Variants in APBB2 observed in about 807,000 individuals in gnomAD.
APBB2 encodes Fe65-like 1.
In APBB2, 38 loss-of-function variants were observed where a neutral mutation model predicts 82.5. The ratio of observed to expected loss-of-function variants is 0.46; its 90% CI spans 0.36 to 0.60. The LOEUF (loss-of-function observed/expected upper bound fraction) is 0.60, where lower values mean the gene tolerates loss of function less well. APBB2 is among the 20% of genes least tolerant of loss of function. APBB2 has a pLI of 0.00. For synonymous variants in APBB2, 341 were observed against 368.2 expected, an observed-to-expected ratio of 0.93 and a Z score of 0.85; for missense variants, 772 against 972.3, an observed-to-expected ratio of 0.79 and a Z score of 2.74.
intron 13 of APBB2, among the ~76,000 whole-genome samples, chr4:40,829,448 A>G (rs1751105617): frequency 6.6e-6 from 1 of 152,214 alleles, no homozygotes; most frequent in African/African-American, 2.4e-5. Flanking sequence ...TCTAAAACAC[A>G]TAACACATGG....
At chr4:41,023,116 G>T (rs994023560) in intron 5 of APBB2, among the ~76,000 whole-genome samples, 50 of 152,282 alleles carry the variant, frequency 3.3e-4, no homozygotes, top group Admixed American at 2.7e-3. Flanking sequence ...AGAGTCAAAA[G>T]CATATGTTTT....
intron 1 of APBB2, among the ~76,000 whole-genome samples, chr4:41,187,874 G>A (rs1459660447): frequency 6.6e-6 from 1 of 152,118 alleles, no homozygotes; most frequent in Non-Finnish European, 1.5e-5. Flanking sequence ...AAGTTTCTAT[G>A]TATGCATGTA....
intron 6 of APBB2, among the ~76,000 whole-genome samples, chr4:40,972,535 C>T (rs77722452): frequency 0.04 from 6,091 of 152,208 alleles, 190 homozygotes; most frequent in Non-Finnish European, 0.059. Flanking sequence ...TTTTCAGAAA[C>T]TCCTAAATAG....
At chr4:41,070,250 C>A (rs1733337237) in intron 3 of APBB2, among the ~76,000 whole-genome samples, 1 of 152,070 alleles carries the variant, frequency 6.6e-6, no homozygotes. Context: ...AATTTTACTT[C>A]TTTTATAATA....
At chr4:40,823,607 A>G (rs370338712) in intron 16 of APBB2, 37 bp downstream of exon 16, 38 of 1,438,214 alleles carry the variant, frequency 2.6e-5, no homozygotes, top group African/African-American at 1.5e-4. Flanking sequence ...TACTCACTGT[A>G]TAAGACACAC....
intron 5 of APBB2, among the ~76,000 whole-genome samples, chr4:41,023,785 T>A (rs150788252): frequency 0.018 from 2,790 of 152,260 alleles, 88 homozygotes; most frequent in African/African-American, 0.064. Flanking sequence ...TCAATACTAT[T>A]CCTATCAAAC....
chr4:40,967,052 C>T (rs1794832632), intron 6 of APBB2, among the ~76,000 whole-genome samples: 1 of 152,114 alleles, frequency 6.6e-6, no homozygotes, highest in African/African-American at 2.4e-5. Flanking sequence ...CCATAAAAAC[C>T]CCAGGTTCAG....
At chr4:41,045,685 A>G (rs987166682) in intron 4 of APBB2, among the ~76,000 whole-genome samples, 2 of 152,188 alleles carry the variant, frequency 1.3e-5, no homozygotes, top group African/African-American at 2.4e-5. Flanking sequence ...TTTGTATGGG[A>G]TCTAACTTTG....
At chr4:41,091,641 A>C (rs914885909) in intron 3 of APBB2, among the ~76,000 whole-genome samples, 4 of 152,222 alleles carry the variant, frequency 2.6e-5, no homozygotes, top group Non-Finnish European at 2.9e-5. Context: ...TATCTAGCAC[A>C]ACACAGGCAG....
At chr4:40,928,386 A>AC (rs1416467260) in intron 10 of APBB2, among the ~76,000 whole-genome samples, 18 of 101,346 alleles carry the variant, frequency 1.8e-4, no homozygotes, top group Non-Finnish European at 1.6e-4. Flanking sequence ...CTACTAAAGA[A>AC]AACACACACA....
intron 1 of APBB2, among the ~76,000 whole-genome samples, chr4:41,203,385 T>C (rs68171429): frequency 0.08 from 12,142 of 152,194 alleles, 693 homozygotes; most frequent in Non-Finnish European, 0.12. Context: ...TCTCAAATCT[T>C]AGGAAAAGAG....
At chr4:40,878,272 G>A (rs981411990) in intron 12 of APBB2, among the ~76,000 whole-genome samples, 3 of 152,056 alleles carry the variant, frequency 2.0e-5, no homozygotes, top group African/African-American at 7.2e-5. Flanking sequence ...ACTTGAACCC[G>A]GGAGGCTGAG....
At chr4:40,982,586 C>G (rs1186943883) in intron 6 of APBB2, among the ~76,000 whole-genome samples, 1 of 151,678 alleles carries the variant, frequency 6.6e-6, no homozygotes, top group Non-Finnish European at 1.5e-5. Flanking sequence ...CTGGGGACCA[C>G]AGTGAAACCC....
At chr4:40,933,168 A>G (rs904788289) in intron 10 of APBB2, among the ~76,000 whole-genome samples, 4 of 152,164 alleles carry the variant, frequency 2.6e-5, no homozygotes, top group Non-Finnish European at 4.4e-5. Flanking sequence ...CTGGCCGTTA[A>G]TGTGTTTTTT....
At chr4:40,993,634 T>C (rs572964313) in intron 6 of APBB2, among the ~76,000 whole-genome samples, 20 of 152,134 alleles carry the variant, frequency 1.3e-4, no homozygotes, top group African/African-American at 4.8e-4. Flanking sequence ...GCAATCCTCC[T>C]GCCTCAACCT....
At chr4:41,093,358 C>T (rs370106493) in intron 3 of APBB2, among the ~76,000 whole-genome samples, 4 of 152,286 alleles carry the variant, frequency 2.6e-5, no homozygotes, top group South Asian at 2.1e-4. Flanking sequence ...TAGGCTATAA[C>T]GCTGAAGTGC....
chr4:40,992,000 A>AAACT (rs1802238347), intron 6 of APBB2, among the ~76,000 whole-genome samples: 1 of 152,150 alleles, frequency 6.6e-6, no homozygotes, highest in Non-Finnish European at 1.5e-5. Context: ...ACACTCACGC[A>AAACT]CAGACACCAC....
intron 12 of APBB2, among the ~76,000 whole-genome samples, chr4:40,843,933 C>G (rs924159808): frequency 2.6e-5 from 4 of 152,068 alleles, no homozygotes; most frequent in Non-Finnish European, 4.4e-5. Context: ...GATGGGTACT[C>G]CACCCTTCTA....
chr4:40,946,510 T>C (rs1235358404), intron 6 of APBB2, among the ~76,000 whole-genome samples: 1 of 152,148 alleles, frequency 6.6e-6, no homozygotes, highest in Admixed American at 6.5e-5. Context: ...ACATATCTTA[T>C]CAGTTTACTG....
Sources: allele counts gnomAD v4.1 joint callset (sites outside exome capture counted in the v4.1 genomes callset), GRCh38; gene constraint gnomAD v4.1.1; transcripts MANE v1.5; gene names NCBI Gene and HGNC (gene_info 2026-07-23, HGNC 2026-07-21).